Variants in LPCAT3 observed in about 807,000 individuals in gnomAD.
The protein encoded by LPCAT3 is lysophospholipid acyltransferase 5.
In LPCAT3, 21 loss-of-function variants were observed where a neutral mutation model predicts 63.4. The ratio of observed to expected loss-of-function variants is 0.33; its 90% CI spans 0.23 to 0.48. LPCAT3 has a LOEUF of 0.48. Among genes scored for constraint, LPCAT3 ranks in the 20% least tolerant of loss-of-function variants. The probability of loss-of-function intolerance (pLI) is 0.99; values close to 1 mark genes in which losing one functional copy is unlikely to be tolerated. For synonymous variants in LPCAT3, 242 were observed against 227.5 expected (o/e 1.06, Z -0.58); for missense variants, 451 against 590.6 (o/e 0.76, Z 2.45).
intron 1 of LPCAT3, among the ~76,000 whole-genome samples, chr12:6,984,388 C>T (rs1946501625): frequency 6.6e-6 from 1 of 152,196 alleles, no homozygotes; most frequent in African/African-American, 2.4e-5. Flanking sequence ...TTAGCACATT[C>T]CATGGCTTTA....
chr12:6,989,319 T>G (rs1161342878), intron 1 of LPCAT3, among the ~76,000 whole-genome samples: 4 of 150,424 alleles, frequency 2.7e-5, no homozygotes, highest in South Asian at 2.1e-4. Context: ...GCGTGTTTTT[T>G]TTTTTTTTTT....
intron 1 of LPCAT3, among the ~76,000 whole-genome samples, chr12:6,989,727 G>A (rs1555155233): frequency 2.0e-5 from 3 of 152,178 alleles, no homozygotes; most frequent in South Asian, 2.1e-4. Context: ...TCAGTTCCAA[G>A]TGCTGTTTGT....
chr12:7,015,169 A>C (rs988771054), intron 1 of LPCAT3, among the ~76,000 whole-genome samples: 1 of 152,226 alleles, frequency 6.6e-6, no homozygotes, highest in African/African-American at 2.4e-5. Context: ...ACAGAACTGA[A>C]GTAAAAAAAG....
chr12:6,992,288 C>T (rs914266514), intron 1 of LPCAT3, among the ~76,000 whole-genome samples: 1 of 151,758 alleles, frequency 6.6e-6, no homozygotes, highest in Non-Finnish European at 1.5e-5. Context: ...AGCTGTGATG[C>T]CCCCACCGCA....
chr12:6,993,222 G>A (rs1447524045), intron 1 of LPCAT3, among the ~76,000 whole-genome samples: 2 of 152,042 alleles, frequency 1.3e-5, no homozygotes, highest in African/African-American at 2.4e-5. Context: ...GGCAGATCAC[G>A]AGGTCAGGAG....
chr12:6,977,340 C>G lies in LPCAT3; in HGVS notation c.1347+27G>C. 1 of 1,613,828 alleles carries G rather than the reference C, an allele frequency of 6.2e-7. No individual in the cohort carries two copies. The highest frequency in any genetic ancestry group is 8.5e-7 in the Non-Finnish European group (1 of 1,179,718). Reference sequence around the variant, plus strand: ...CTTTGAGGTTGCAGTGAGTCCCTCCCAGTCTCACAAGCAGGCCTTCACTTG... The same window carrying G: ...CTTTGAGGTTGCAGTGAGTCCCTCCGAGTCTCACAAGCAGGCCTTCACTTG... On this transcript the variant is annotated intron_variant, in intron 11 of 12. Coordinates refer to ENST00000261407, the MANE Select transcript of LPCAT3 (RefSeq NM_005768.6). The surrounding 1 kb of genome is among the most constrained non-coding windows in gnomAD (Gnocchi z 4.5).
At chr12:6,982,984 TTTTG>T (rs1221981654) in intron 2 of LPCAT3, 8 of 641,612 alleles carry the variant, frequency 1.2e-5, no homozygotes, top group East Asian at 3.0e-5. Flanking sequence ...TCTTTTCTTT[TTTTG>T]TTTGTTTTTT....
chr12:6,987,625 G>T lies in LPCAT3; in HGVS notation c.152-4086C>A, dbSNP rs1946542127. On this transcript the variant is annotated intron_variant, in intron 1 of 12. Coordinates refer to ENST00000261407, the MANE Select transcript of LPCAT3 (RefSeq NM_005768.6). This position sits in a 1 kb window ranked among gnomAD's most constrained non-coding sequence, Gnocchi z 4.1. ...GGTATAAATAAAAAAATATAAAACA[G>T]TAGATAATTATCTAGAGCACTCATA... Among the ~76,000 whole-genome samples, 1 of 152,200 alleles carries T rather than the reference G, an allele frequency of 6.6e-6. No individual in the cohort carries two copies. Among genetic ancestry groups the T allele is most frequent in the African/African-American group, 2.4e-5 (1 of 41,444 alleles).
At chr12:6,995,401 G>C (rs781942270) in intron 1 of LPCAT3, among the ~76,000 whole-genome samples, 3 of 151,740 alleles carry the variant, frequency 2.0e-5, no homozygotes, top group Admixed American at 6.6e-5. Flanking sequence ...TTGAACCCAG[G>C]AGGCGGAGGT....
rs1591560968 is a variant in LPCAT3, at chr12:7,018,244, AG to A, written c.151+29del. On this transcript the variant is annotated intron_variant, in intron 1 of 12. Coordinates refer to ENST00000261407, the MANE Select transcript of LPCAT3 (RefSeq NM_005768.6). This position sits in a 1 kb window ranked among gnomAD's most constrained non-coding sequence, Gnocchi z 4.9. The stretch of plus-strand genomic sequence containing the variant: ...TCCCCTACTCCCCGGGGACTCCGCG[AG>A]GGGCGGAGGGAGGCAGGAGGGTCCT... The A allele has an allele frequency of 2.5e-6, 4 of 1,575,756 alleles. 1 individual carries two copies. The South Asian group carries it at 4.6e-5, about 18-fold the overall frequency.
chr12:6,981,834 C>A lies in LPCAT3; in HGVS notation c.437G>T (p.Cys146Phe). The change falls in exon 4 of 13, where the codon TGT becomes TTT. Residue 146 changes from cysteine (C) to phenylalanine (F), a missense_variant. Physicochemically the swap from Cys to Phe is radical, Grantham distance 205 (BLOSUM62 -2). Around this residue, in one of 3 missense-constraint regions of LPCAT3, gnomAD observed 14 missense variants for 47.8 expected, o/e 0.29. Coordinates refer to ENST00000261407, the MANE Select transcript of LPCAT3 (RefSeq NM_005768.6). Reference sequence around the variant, plus strand: ...ACCAATCAGCTTCAAAGTCAGAACACAATGTGGCATTGTCCACTTGATATC... The same window carrying A: ...ACCAATCAGCTTCAAAGTCAGAACAAAATGTGGCATTGTCCACTTGATATC... ...NYDIKWTMPH[C>F]VLTLKLIGLA... is the part of the protein sequence containing the mutation. 1 of 1,613,892 alleles carries A rather than the reference C, an allele frequency of 6.2e-7. No individual in the cohort carries two copies. Among genetic ancestry groups the A allele is most frequent in the Non-Finnish European group, 8.5e-7 (1 of 1,179,778 alleles).
rs1946425823 is a variant in LPCAT3, at chr12:6,977,855, C to T, written c.1041-110G>A. ...TTGGATTGGAGTGCTGGTGGGTTCC[C>T]ACGTGTAGCCCCCAGAGGGTACAGG... On this transcript the variant is annotated intron_variant, in intron 9 of 12. Coordinates refer to ENST00000261407, the MANE Select transcript of LPCAT3 (RefSeq NM_005768.6). This position sits in a 1 kb window ranked among gnomAD's most constrained non-coding sequence, Gnocchi z 4.5. 2.3e-6 allele frequency: 3 copies of T among 1,293,366 alleles called. No individual in the cohort carries two copies. Among genetic ancestry groups the T allele is most frequent in the Non-Finnish European group, 3.3e-6 (3 of 907,996 alleles). 80.1% of individuals were successfully genotyped at this position (1,293,366 alleles called of 1,614,324 possible). A position where few individuals can be genotyped will look rare whatever the true frequency, so the allele number is the denominator to read the frequency against.
chr12:6,979,523 G>A lies in LPCAT3; in HGVS notation c.734C>T (p.Thr245Ile). The A allele has an allele frequency of 1.2e-6, 2 of 1,614,192 alleles. No individual in the cohort carries two copies. Among genetic ancestry groups the A allele is most frequent in the Non-Finnish European group, 1.7e-6 (2 of 1,179,998 alleles). Residue 245 changes from threonine to isoleucine, a missense_variant, in exon 7 of 13, where the codon ACA (threonine) becomes ATA (isoleucine). Thr to Ile is a moderately conservative substitution (Grantham distance 89). Around this residue, in one of 3 missense-constraint regions of LPCAT3, gnomAD observed 304 missense variants for 390.8 expected, o/e 0.78. Transcript: ENST00000261407. ...SLGLFYLVGY[T>I]LLSPHITEDY... ...TTCTGTGATGTGGGGGCTGAGCAGT[G>A]TGTAGCCCACTAGGTAGAAAAGGCC...
At position 6,977,895 on chromosome 12, in the gene LPCAT3, G is replaced by T; in HGVS notation, c.1041-150C>A. 1.1e-6 allele frequency: 1 copy of T among 890,920 alleles called. No homozygotes were observed. The highest frequency in any genetic ancestry group is 1.7e-6 in the Non-Finnish European group (1 of 578,480). 55.2% of individuals were successfully genotyped at this position (890,920 alleles called of 1,614,324 possible). The stretch of plus-strand genomic sequence containing the variant: ...GAGGGTACAGGAGGCAGTGCTGACT[G>T]ATTACTTTTAGAGATGGAAAGCAGA... On this transcript the variant is annotated intron_variant, in intron 9 of 12. Transcript: ENST00000261407. The surrounding 1 kb of genome is among the most constrained non-coding windows in gnomAD (Gnocchi z 4.5).
In LPCAT3 at chr12:7,018,420, G is replaced by T; in HGVS notation, c.5C>A (p.Ala2Glu). Residue 2 changes from alanine (A) to glutamate (E), a missense_variant, in exon 1 of 13, where the codon GCG (alanine) becomes GAG (glutamate). This residue lies in a region of LPCAT3 where 133 missense variants were observed against 152.1 expected (regional missense o/e 0.87). Coordinates refer to ENST00000261407, the MANE Select transcript of LPCAT3 (RefSeq NM_005768.6). This position sits in a 1 kb window ranked among gnomAD's most constrained non-coding sequence, Gnocchi z 4.9. ...CCCCTCGTCCCCCTCCGCTGAGGAC[G>T]CCATCTTAACTCCGGGAGCCCCACA... M[A>E]SSAEGDEGTV... 6.2e-7 allele frequency: 1 copy of T among 1,603,144 alleles called. No individual in the cohort carries two copies. Among genetic ancestry groups the T allele is most frequent in the Non-Finnish European group, 8.5e-7 (1 of 1,174,036 alleles).
chr12:6,980,808 GT>G (rs1946462709), intron 6 of LPCAT3, 195 bp downstream of exon 6: 1 of 446,594 alleles, frequency 2.2e-6, no homozygotes. Flanking sequence ...TTGTACTAGT[GT>G]TAGAATGGAT....
chr12:7,009,188 A>G (rs1025322189), intron 1 of LPCAT3, among the ~76,000 whole-genome samples: 1 of 152,168 alleles, frequency 6.6e-6, no homozygotes, highest in Non-Finnish European at 1.5e-5. Flanking sequence ...CAGCTTCCCA[A>G]GTAGCTGGGA....
intron 1 of LPCAT3, among the ~76,000 whole-genome samples, chr12:7,011,847 C>A (rs781820748): frequency 6.6e-6 from 1 of 151,996 alleles, no homozygotes; most frequent in Non-Finnish European, 1.5e-5. Flanking sequence ...AATTTTTGGA[C>A]CCTGCTTTGT....
chr12:7,006,292 C>T (rs1946724180), intron 1 of LPCAT3, among the ~76,000 whole-genome samples: 1 of 152,190 alleles, frequency 6.6e-6, no homozygotes, highest in East Asian at 1.9e-4. Context: ...GATCTTGGCT[C>T]CCTGCAACCT....
Sources: allele counts gnomAD v4.1 joint callset (sites outside exome capture counted in the v4.1 genomes callset), GRCh38; gene constraint gnomAD v4.1.1; regional missense constraint gnomAD v4.1.1; non-coding constraint Gnocchi (gnomAD v3.1); transcripts MANE v1.5; gene names NCBI Gene and HGNC (gene_info 2026-07-23, HGNC 2026-07-21).